TACC2: variants seen among roughly 807,000 people sequenced by gnomAD.
TACC2 encodes the protein transforming acidic coiled-coil-containing protein 2.
TACC2 carries 137 observed loss-of-function variants against 227.3 expected under a neutral mutation model. The observed-to-expected ratio is 0.60, with a 90% CI of 0.52 to 0.69. The LOEUF is 0.69. Among genes scored for constraint, TACC2 ranks in the 30% least tolerant of loss-of-function variants. The pLI is 0.00. For synonymous variants in TACC2, 1,523 were observed against 1,487.5 expected, an observed-to-expected ratio of 1.02 and a Z score of -0.55; for missense variants, 3,470 against 3,694.4, an observed-to-expected ratio of 0.94 and a Z score of 1.57.
intron 3 of TACC2, among the ~76,000 whole-genome samples, chr10:122,054,925 T>C (rs1347893992): frequency 1.3e-5 from 2 of 151,954 alleles, no homozygotes; most frequent in Non-Finnish European, 2.9e-5. Flanking sequence ...TTTTTGGTGT[T>C]TTAAGAAGGG....
At chr10:122,160,572 C>A (rs891887140) in intron 7 of TACC2, among the ~76,000 whole-genome samples, 1 of 151,818 alleles carries the variant, frequency 6.6e-6, no homozygotes, top group Admixed American at 6.6e-5. Context: ...TCTTTTTATA[C>A]GGGTATAATC....
rs182152180 is a variant in TACC2 at position 122,221,877 on chromosome 10, T to A, written c.7547-2849T>A. Among the ~76,000 whole-genome samples the A allele has an allele frequency of 2.1e-3, 314 of 152,326 alleles. 2 individuals are homozygous for A. Among genetic ancestry groups the A allele is most frequent in the African/African-American group, 7.5e-3 (310 of 41,572 alleles). ...CCTAGCAATGGAGACCTGGACTCAG[T>A]GGCATCCTTCTGGCTTCTGCATGGG... On this transcript the variant is annotated intron_variant, in intron 11 of 22. Coordinates refer to ENST00000369005, the MANE Select transcript of TACC2 (RefSeq NM_206862.4).
At chr10:122,191,897 T>C (rs1319947856) in intron 7 of TACC2, among the ~76,000 whole-genome samples, 1 of 152,204 alleles carries the variant, frequency 6.6e-6, no homozygotes, top group East Asian at 1.9e-4. Flanking sequence ...AAAAGAAATA[T>C]CAAACAGCCG....
rs1477513653 is a variant in TACC2, at chr10:122,086,014, G to T, written c.3514G>T (p.Ala1172Ser). The T allele has an allele frequency of 1.2e-6, 2 of 1,613,838 alleles. No homozygotes were observed. Among genetic ancestry groups the T allele is most frequent in the East Asian group, 2.2e-5 (1 of 44,888 alleles). Residue 1172 changes from alanine to serine, a missense_variant, in exon 4 of 23, where the codon GCT (alanine) becomes TCT (serine). This residue lies in a region of TACC2 where 1,924 missense variants were observed against 1,978.3 expected (regional missense o/e 0.97). Transcript: ENST00000369005. ...GCACTGCCTTACCTCCGGGGAGGAA[G>T]CTTCTACCTCTGCCCTACGTGAGTC... ...TEHCLTSGEE[A>S]STSALRESCQ...
In TACC2 at chr10:122,205,607, G is replaced by A. The variant is rs1392937337; in HGVS notation, c.5972-4790G>A. Among the ~76,000 whole-genome samples the A allele has an allele frequency of 6.6e-6, 1 of 152,212 alleles. No individual in the cohort carries two copies. The highest frequency in any genetic ancestry group is 2.4e-5 in the African/African-American group (1 of 41,458). On this transcript the variant is annotated intron_variant, in intron 8 of 22. Transcript: ENST00000369005. This position sits in a 1 kb window ranked among gnomAD's most constrained non-coding sequence, Gnocchi z 4.5. ...AGATAGAAGCAGATGAGGTGAGATA[G>A]CCCAGTTCCAGACTTCCCGATGAGG...
At chr10:122,123,365 A>G (rs539934077) in intron 5 of TACC2, among the ~76,000 whole-genome samples, 59 of 152,308 alleles carry the variant, frequency 3.9e-4, no homozygotes, top group African/African-American at 9.4e-4. Context: ...CAGGGATGCC[A>G]CAGGCCACAC....
intron 2 of TACC2, among the ~76,000 whole-genome samples, chr10:122,042,733 A>G (rs1394824836): frequency 6.6e-6 from 1 of 152,072 alleles, no homozygotes; most frequent in Admixed American, 6.5e-5. Context: ...CAGATACGGT[A>G]CTCGAGGTGT....
intron 1 of TACC2, among the ~76,000 whole-genome samples, chr10:121,995,256 C>T (rs1326964399): frequency 5.3e-5 from 8 of 152,322 alleles, no homozygotes; most frequent in Middle Eastern, 3.4e-3. Flanking sequence ...TCTTGGCAAA[C>T]GCTGTGTTTC....
intron 7 of TACC2, among the ~76,000 whole-genome samples, chr10:122,165,787 G>A (rs1022003892): frequency 6.6e-6 from 1 of 152,032 alleles, no homozygotes; most frequent in Non-Finnish European, 1.5e-5. Context: ...CCTCCATCCC[G>A]TAACATTTTT....
At position 122,050,694 on chromosome 10, in the gene TACC2, A is replaced by G. The variant is rs2075575861; in HGVS notation, c.146+144A>G. ...TCCTCAGTGGTGAGATGTTCCAAGC[A>G]GTGGTTCACAGACCTCTCTGTGACT... On this transcript the variant is annotated intron_variant, in intron 3 of 22. Transcript: ENST00000369005. The surrounding 1 kb of genome is among the most constrained non-coding windows in gnomAD (Gnocchi z 4.6). 1.6e-6 allele frequency: 1 copy of G among 636,432 alleles called. No individual in the cohort carries two copies. The allele number at this position is 636,432 out of a possible 1,614,324, so 39.4% of individuals were successfully genotyped here.
intron 12 of TACC2, 126 bp downstream of exon 12, chr10:122,224,913 C>T (rs1041182525): frequency 2.6e-6 from 2 of 770,508 alleles, no homozygotes; most frequent in African/African-American, 3.5e-5. Context: ...ACACAGCTTC[C>T]CGGGTGCACA....
At position 122,237,479 on chromosome 10, in the gene TACC2, G is replaced by A; in HGVS notation, c.8212G>A (p.Ala2738Thr). 1.2e-6 allele frequency: 2 copies of A among 1,614,090 alleles called. No homozygotes were observed. Reference protein sequence around the residue: ...RIGTAEVEKPAGLLFQQPDLD... With the variant: ...RIGTAEVEKPTGLLFQQPDLD... ...CGGGACCGCTGAGGTGGAGAAACCT[G>A]CAGGCCTTCTGTTCCAGCAGCCCGA... is the stretch of plus-strand genomic sequence containing the variant. The change falls in exon 17 of 23, where the codon GCA becomes ACA. Residue 2738 changes from alanine to threonine, a missense_variant. Around this residue, in one of 10 missense-constraint regions of TACC2, gnomAD observed 345 missense variants for 354.4 expected, o/e 0.97. Coordinates refer to ENST00000369005, the MANE Select transcript of TACC2 (RefSeq NM_206862.4).
At chr10:122,116,893 C>T (rs2084798583) in intron 5 of TACC2, among the ~76,000 whole-genome samples, 1 of 151,652 alleles carries the variant, frequency 6.6e-6, no homozygotes, top group South Asian at 2.1e-4. Flanking sequence ...TGCCACTCTC[C>T]TTTCTTTCTT....
rs1230850944 is a variant in TACC2, at chr10:122,083,912, A to C, written c.1412A>C (p.Gln471Pro). The C allele has an allele frequency of 6.2e-7, 1 of 1,614,136 alleles. No individual in the cohort carries two copies. ...GCAGGGTTGGTGGGACTGGAGAGGC[A>C]GGTGTCAGATCTTGGAAGCAAGGGA... is the stretch of plus-strand genomic sequence containing the variant. ...VDAGLVGLER[Q>P]VSDLGSKGEH... The change falls in exon 4 of 23, where the codon CAG (glutamine) becomes CCG (proline). Residue 471 changes from glutamine (Q) to proline (P), a missense_variant. Gln to Pro is a moderately conservative substitution (Grantham distance 76). Around this residue, in one of 10 missense-constraint regions of TACC2, gnomAD observed 1,924 missense variants for 1,978.3 expected, o/e 0.97. Transcript: ENST00000369005.
In TACC2 at chr10:122,086,839, G is replaced by A. The variant is rs772799623; in HGVS notation, c.4339G>A (p.Gly1447Ser). ...AVGKDLTRPL[G>S]PEKLLDGPPG... is the part of the protein sequence containing the mutation. The stretch of plus-strand genomic sequence containing the variant: ...GGGTAAAGACCTCACCAGGCCATTG[G>A]GCCCAGAGAAGCTTCTAGATGGGCC... Residue 1447 changes from glycine to serine, a missense_variant, in exon 4 of 23, where the codon GGC becomes AGC. Around this residue, in one of 10 missense-constraint regions of TACC2, gnomAD observed 1,924 missense variants for 1,978.3 expected, o/e 0.97. Transcript: ENST00000369005. The A allele has an allele frequency of 2.5e-6, 4 of 1,613,950 alleles. No individual in the cohort carries two copies. In the South Asian group the frequency reaches 4.4e-5, roughly 18 times the overall value.
chr10:122,190,297 G>A (rs1316586305), intron 7 of TACC2, among the ~76,000 whole-genome samples: 1 of 152,180 alleles, frequency 6.6e-6, no homozygotes, highest in Non-Finnish European at 1.5e-5. Flanking sequence ...CCTGACTCTT[G>A]CTTTGGGGCC....
At chr10:122,036,531 G>A (rs1233039403) in intron 2 of TACC2, among the ~76,000 whole-genome samples, 1 of 140,434 alleles carries the variant, frequency 7.1e-6, no homozygotes, top group African/African-American at 2.7e-5. Flanking sequence ...ACAGAGTCTC[G>A]CTCTGTTACC....
chr10:122,119,608 T>A (rs1345378048), intron 5 of TACC2, among the ~76,000 whole-genome samples: 1 of 152,170 alleles, frequency 6.6e-6, no homozygotes. Context: ...TGAGTTTATT[T>A]GTCATCTTTT....
intron 3 of TACC2, among the ~76,000 whole-genome samples, chr10:122,066,898 T>A (rs994295040): frequency 1.3e-5 from 2 of 152,254 alleles, no homozygotes; most frequent in African/African-American, 2.4e-5. Context: ...CTTTAATATC[T>A]CACAATCTAC....
Sources: allele counts gnomAD v4.1 joint callset (sites outside exome capture counted in the v4.1 genomes callset), GRCh38; gene constraint gnomAD v4.1.1; regional missense constraint gnomAD v4.1.1; non-coding constraint Gnocchi (gnomAD v3.1); transcripts MANE v1.5; gene names NCBI Gene and HGNC (gene_info 2026-07-23, HGNC 2026-07-21).